THSD4: variants seen among roughly 807,000 people sequenced by gnomAD.
THSD4 encodes the protein thrombospondin type 1 domain containing 4.
Under a neutral mutation model 119.0 loss-of-function variants are expected in THSD4, and 69 were observed. The observed-to-expected ratio is 0.58, with a 90% CI of 0.48 to 0.71. The LOEUF is 0.71. THSD4 is among the 30% of genes least tolerant of loss of function. The pLI, the probability that THSD4 is intolerant of heterozygous loss-of-function variation, is 0.00. For missense variants in THSD4, 1,393 were observed against 1,391.1 expected, an observed-to-expected ratio of 1.00 and a Z score of -0.02; for synonymous variants, 524 against 540.4, an observed-to-expected ratio of 0.97 and a Z score of 0.42.
rs1457197766 is a variant in THSD4 at position 71,419,338 on chromosome 15, A to G, written c.1152+7515A>G. Among the ~76,000 whole-genome samples, 3 of 105,682 alleles carry G rather than the reference A, an allele frequency of 2.8e-5. 1 individual carries two copies. The highest frequency in any genetic ancestry group is 9.7e-5 in the African/African-American group (3 of 30,908). 69.3% of individuals were successfully genotyped at this position (105,682 alleles called of 152,430 possible). A position where few individuals can be genotyped will look rare whatever the true frequency, so the allele number is the denominator to read the frequency against. ...CAGCTCAGCCTCCTGGGTAGCTGGA[A>G]TAACAGGTGCACGCCACCACATCTG... On this transcript the variant is annotated intron_variant, in intron 7 of 17. Transcript: ENST00000261862.
chr15:71,593,895 T>C (rs11632300), intron 7 of THSD4, among the ~76,000 whole-genome samples: 42,370 of 148,184 alleles, frequency 0.29, 6,205 homozygotes, highest in Admixed American at 0.34. Context: ...CAACACAAGA[T>C]CCTGACACCC....
chr15:71,223,777 A>G (rs2043993568), intron 4 of THSD4, among the ~76,000 whole-genome samples: 1 of 152,028 alleles, frequency 6.6e-6, no homozygotes, highest in Non-Finnish European at 1.5e-5. Context: ...GGGCTGTGGG[A>G]GCAGAGAGGT....
chr15:71,478,404 T>G (rs2047681253), intron 7 of THSD4, among the ~76,000 whole-genome samples: 1 of 152,226 alleles, frequency 6.6e-6, no homozygotes, highest in Non-Finnish European at 1.5e-5. Context: ...ATATCCCCTA[T>G]TCTCATATTT....
chr15:71,247,191 C>T (rs1009924328), intron 5 of THSD4, among the ~76,000 whole-genome samples: 2 of 151,446 alleles, frequency 1.3e-5, no homozygotes, highest in Non-Finnish European at 2.9e-5. Context: ...AGCCACTGCA[C>T]CCGGCCTTGG....
intron 7 of THSD4, among the ~76,000 whole-genome samples, chr15:71,443,838 A>G (rs964128299): frequency 1.3e-5 from 2 of 152,244 alleles, no homozygotes. Flanking sequence ...AACTAAAGCA[A>G]AGGTGCATAA....
chr15:71,682,921 T>C lies in THSD4; in HGVS notation c.1357+22187T>C, dbSNP rs796950428. On this transcript the variant is annotated intron_variant, in intron 8 of 17. Transcript: ENST00000261862. Reference sequence around the variant, plus strand: ...CTTTCTTTCTTTCTTCTTCTTCTTCTTTTTTTTTTTTTTTTTTTGAGTCGA... The same window carrying C: ...CTTTCTTTCTTTCTTCTTCTTCTTCCTTTTTTTTTTTTTTTTTTGAGTCGA... Among the ~76,000 whole-genome samples the C allele has an allele frequency of 9.7e-3, 438 of 45,378 alleles. 1 individual carries two copies. The highest frequency in any genetic ancestry group is 0.019 in the South Asian group (25 of 1,296). The allele number at this position is 45,378 out of a possible 152,430, so 29.8% of individuals were successfully genotyped here.
chr15:71,119,818 C>G (rs1010071497), intron 1 of THSD4, among the ~76,000 whole-genome samples: 1 of 152,314 alleles, frequency 6.6e-6, no homozygotes, highest in Admixed American at 6.5e-5. Flanking sequence ...GGGATCTGGC[C>G]GTTGACAGAT....
At chr15:71,363,119 G>A (rs1013874215) in intron 6 of THSD4, among the ~76,000 whole-genome samples, 1 of 152,186 alleles carries the variant, frequency 6.6e-6, no homozygotes. Context: ...AGGGTACAGA[G>A]TGTGTCTAAT....
Position 71,141,468 on chromosome 15 carries a change from A to G in THSD4, c.-60A>G, listed in dbSNP as rs1215894938. ...CCATAGGACTTGAACGCAACTCCCA[A>G]TTGCAGAAAATTGGCAACGTCTCTG... On this transcript the variant is annotated 5_prime_UTR_variant, in exon 2 of 18. Transcript: ENST00000261862. 12 of 1,548,526 alleles carry G rather than the reference A, an allele frequency of 7.7e-6. No homozygotes were observed. Among genetic ancestry groups the G allele is most frequent in the Middle Eastern group, 3.4e-4 (2 of 5,886 alleles).
chr15:71,212,049 G>A (rs2043891942), intron 3 of THSD4, among the ~76,000 whole-genome samples: 1 of 152,162 alleles, frequency 6.6e-6, no homozygotes, highest in African/African-American at 2.4e-5. Context: ...GTTGTCAGGA[G>A]GATCAGGAAG....
intron 7 of THSD4, among the ~76,000 whole-genome samples, chr15:71,479,943 C>A (rs1374477522): frequency 6.6e-6 from 1 of 152,166 alleles, no homozygotes; most frequent in Non-Finnish European, 1.5e-5. Context: ...GGTCCAGGTT[C>A]TTTTCTGTGT....
At chr15:71,432,829 A>G (rs933654227) in intron 7 of THSD4, among the ~76,000 whole-genome samples, 2 of 151,956 alleles carry the variant, frequency 1.3e-5, no homozygotes, top group Admixed American at 1.3e-4. Flanking sequence ...CAACTTTTAA[A>G]TAACCTCTAA....
chr15:71,655,620 G>A (rs2051175156), intron 7 of THSD4, among the ~76,000 whole-genome samples: 1 of 151,990 alleles, frequency 6.6e-6, no homozygotes, highest in African/African-American at 2.4e-5. Context: ...CAGTCCTAAG[G>A]GGTAGCTGCT....
At chr15:71,294,056 G>A (rs1433360579) in intron 6 of THSD4, among the ~76,000 whole-genome samples, 1 of 152,026 alleles carries the variant, frequency 6.6e-6, no homozygotes, top group Non-Finnish European at 1.5e-5. Flanking sequence ...TCCTGCTTTA[G>A]TCCATTTCCC....
At chr15:71,589,565 C>G (rs2049756208) in intron 7 of THSD4, among the ~76,000 whole-genome samples, 3 of 138,230 alleles carry the variant, frequency 2.2e-5, no homozygotes, top group African/African-American at 7.6e-5. Context: ...CATGTGTCAC[C>G]CTGTTGGGTC....
intron 5 of THSD4, among the ~76,000 whole-genome samples, chr15:71,249,661 A>G (rs939306893): frequency 6.6e-6 from 1 of 152,014 alleles, no homozygotes; most frequent in Admixed American, 6.6e-5. Flanking sequence ...GTCATTTTTC[A>G]TGGTTATAAA....
chr15:71,102,169 A>G (rs2040256409), intron 1 of THSD4, among the ~76,000 whole-genome samples: 1 of 152,164 alleles, frequency 6.6e-6, no homozygotes. Context: ...TCTTTATTTT[A>G]ATAGTTTTCA....
In THSD4 at chr15:71,556,764, T is replaced by TAAA. The variant is rs61509514; in HGVS notation, c.1153-103753_1153-103751dup. The stretch of plus-strand genomic sequence containing the variant: ...TGGGTGGCAGAGTAAGACCCTGTCT[T>TAAA]AAAAAAAAAAAAAAAGTACAACTGA... On this transcript the variant is annotated intron_variant, in intron 7 of 17. Coordinates refer to ENST00000261862, the MANE Select transcript of THSD4 (RefSeq NM_024817.3). 6.7e-3 allele frequency among the ~76,000 whole-genome samples: 935 copies of TAAA among 138,566 alleles called. 23 individuals carry two copies. The highest frequency in any genetic ancestry group is 0.02 in the African/African-American group (742 of 37,580). The allele number at this position is 138,566 out of a possible 152,430, so 90.9% of individuals were successfully genotyped here.
At chr15:71,754,782 C>T (rs1458575533) in intron 14 of THSD4, among the ~76,000 whole-genome samples, 1 of 151,798 alleles carries the variant, frequency 6.6e-6, no homozygotes, top group Non-Finnish European at 1.5e-5. Flanking sequence ...TTTGTAGTGG[C>T]ATGGGGGGCT....
Sources: allele counts gnomAD v4.1 joint callset (sites outside exome capture counted in the v4.1 genomes callset), GRCh38; gene constraint gnomAD v4.1.1; transcripts MANE v1.5; gene names NCBI Gene and HGNC (gene_info 2026-07-23, HGNC 2026-07-21).